LHFPL2: variants seen among roughly 807,000 people sequenced by gnomAD.
The protein encoded by LHFPL2 is LHFPL tetraspan subfamily member 2.
A neutral mutation model predicts 17.5 loss-of-function variants in LHFPL2; 7 were observed. The observed-to-expected ratio is 0.40, with a 90% CI of 0.23 to 0.75. The LOEUF is 0.75. Among genes scored for constraint, LHFPL2 ranks in the 30% least tolerant of loss-of-function variants. The probability of loss-of-function intolerance (pLI) is 0.37; values close to 1 mark genes in which losing one functional copy is unlikely to be tolerated. For synonymous variants in LHFPL2, 134 were observed against 116.2 expected, an observed-to-expected ratio of 1.15 and a Z score of -0.99; for missense variants, 241 against 294.8, an observed-to-expected ratio of 0.82 and a Z score of 1.34.
At chr5:78,534,920 C>A (rs1266932292) in intron 3 of LHFPL2, among the ~76,000 whole-genome samples, 1 of 152,222 alleles carries the variant, frequency 6.6e-6, no homozygotes, top group Non-Finnish European at 1.5e-5. Flanking sequence ...TCAACTTCAG[C>A]TTTGCAGATC....
chr5:78,597,454 G>A (rs1024337103), intron 2 of LHFPL2, among the ~76,000 whole-genome samples: 1 of 152,094 alleles, frequency 6.6e-6, no homozygotes, highest in African/African-American at 2.4e-5. Context: ...TGGGACAGAA[G>A]CAAGAAAAAA....
intron 2 of LHFPL2, among the ~76,000 whole-genome samples, chr5:78,615,981 C>A (rs1744585839): frequency 6.6e-6 from 1 of 152,042 alleles, no homozygotes; most frequent in Non-Finnish European, 1.5e-5. Flanking sequence ...GGAATGCTTA[C>A]CTAACAGTTG....
chr5:78,571,859 T>C (rs1377064254), intron 2 of LHFPL2, among the ~76,000 whole-genome samples: 1 of 152,168 alleles, frequency 6.6e-6, no homozygotes, highest in Non-Finnish European at 1.5e-5. Flanking sequence ...GATCTGAATT[T>C]TTAAGTTAGT....
chr5:78,511,014 AAC>A (rs1221923574), intron 3 of LHFPL2, among the ~76,000 whole-genome samples: 1 of 152,196 alleles, frequency 6.6e-6, no homozygotes. Context: ...TAAAAGAATA[AAC>A]AAAACATTGC....
chr5:78,627,800 C>T (rs1408760093), intron 2 of LHFPL2, among the ~76,000 whole-genome samples: 1 of 152,242 alleles, frequency 6.6e-6, no homozygotes, highest in Non-Finnish European at 1.5e-5. Context: ...TGCTTTGACA[C>T]TCCGAATAAT....
At chr5:78,642,565 T>C (rs1018331344) in intron 1 of LHFPL2, among the ~76,000 whole-genome samples, 11 of 152,240 alleles carry the variant, frequency 7.2e-5, no homozygotes, top group African/African-American at 2.6e-4. Context: ...CAAATTACTC[T>C]TGCACCTAGC....
intron 3 of LHFPL2, among the ~76,000 whole-genome samples, chr5:78,515,058 A>G (rs1755250423): frequency 6.6e-6 from 1 of 152,190 alleles, no homozygotes; most frequent in Non-Finnish European, 1.5e-5. Flanking sequence ...AAATAAGAAC[A>G]TTTTCCTATA....
At chr5:78,525,278 C>T (rs1029778765) in intron 3 of LHFPL2, among the ~76,000 whole-genome samples, 2 of 152,166 alleles carry the variant, frequency 1.3e-5, no homozygotes, top group African/African-American at 4.8e-5. Context: ...CACTAATCTC[C>T]CTATGCCTCA....
rs61240757 is a variant in LHFPL2, at chr5:78,644,121, T to C, written c.-350+4378A>G. 3.4e-3 allele frequency: 1,568 copies of C among 460,660 alleles called. 17 individuals are homozygous for C. Among genetic ancestry groups the C allele is most frequent in the African/African-American group, 0.028 (1,363 of 49,210 alleles). The allele number at this position is 460,660 out of a possible 1,614,324, so 28.5% of individuals were successfully genotyped here. On this transcript the variant is annotated intron_variant, in intron 1 of 4. Coordinates refer to ENST00000380345, the MANE Select transcript of LHFPL2 (RefSeq NM_005779.3). Reference sequence around the variant, plus strand: ...GGTATCTAAAGATAACATTTGGTAGTGTGTTAACTATACAAAAAAGACAAT... The same window carrying C: ...GGTATCTAAAGATAACATTTGGTAGCGTGTTAACTATACAAAAAAGACAAT...
chr5:78,608,893 C>T (rs986577985), intron 2 of LHFPL2, among the ~76,000 whole-genome samples: 2 of 149,574 alleles, frequency 1.3e-5, no homozygotes, highest in African/African-American at 2.5e-5. Flanking sequence ...GACTGAGCCA[C>T]TGCACTCCAG....
chr5:78,629,851 T>C (rs1299283173), intron 2 of LHFPL2, among the ~76,000 whole-genome samples: 1 of 152,186 alleles, frequency 6.6e-6, no homozygotes, highest in East Asian at 1.9e-4. Flanking sequence ...AGCAGCTGTA[T>C]TAAAAATACA....
At chr5:78,544,057 G>A (rs1756194113) in intron 3 of LHFPL2, among the ~76,000 whole-genome samples, 2 of 152,218 alleles carry the variant, frequency 1.3e-5, no homozygotes, top group African/African-American at 4.8e-5. Context: ...AGGGAGTGCT[G>A]AGGACAATCA....
intron 1 of LHFPL2, among the ~76,000 whole-genome samples, chr5:78,640,529 G>A (rs1745628334): frequency 6.6e-6 from 1 of 152,180 alleles, no homozygotes; most frequent in Non-Finnish European, 1.5e-5. Flanking sequence ...TGGATATCAA[G>A]CAATGTATGA....
intron 3 of LHFPL2, among the ~76,000 whole-genome samples, chr5:78,525,308 G>T (rs1755588952): frequency 6.6e-6 from 1 of 152,222 alleles, no homozygotes; most frequent in South Asian, 2.1e-4. Flanking sequence ...GCTATAAAAT[G>T]AGGATATCTT....
intron 3 of LHFPL2, among the ~76,000 whole-genome samples, chr5:78,561,355 C>T (rs1471034264): frequency 4.6e-5 from 7 of 152,200 alleles, no homozygotes; most frequent in Non-Finnish European, 7.3e-5. Flanking sequence ...GAGATGCTAA[C>T]GGGGAGACTA....
intron 1 of LHFPL2, among the ~76,000 whole-genome samples, chr5:78,642,776 C>A (rs141004494): frequency 6.6e-6 from 1 of 152,230 alleles, no homozygotes; most frequent in East Asian, 1.9e-4. Context: ...TTACTCCTTG[C>A]CATCTCTCTC....
At chr5:78,609,856 A>C (rs1744356535) in intron 2 of LHFPL2, among the ~76,000 whole-genome samples, 1 of 152,164 alleles carries the variant, frequency 6.6e-6, no homozygotes, top group African/African-American at 2.4e-5. Context: ...AAAAAAAAAA[A>C]AAATTCTTTT....
At chr5:78,570,898 A>G (rs1756983354) in intron 2 of LHFPL2, among the ~76,000 whole-genome samples, 1 of 151,036 alleles carries the variant, frequency 6.6e-6, no homozygotes, top group African/African-American at 2.5e-5. Context: ...TGTGCCTGAC[A>G]GTTCTTAGTG....
At chr5:78,537,217 C>G (rs1001969432) in intron 3 of LHFPL2, among the ~76,000 whole-genome samples, 3 of 152,192 alleles carry the variant, frequency 2.0e-5, no homozygotes, top group African/African-American at 7.2e-5. Context: ...GCCACTGAAG[C>G]TTTCTCCGAG....
Sources: gnomAD v4.1 joint callset for allele counts (sites outside exome capture counted in the v4.1 genomes callset) on GRCh38, gnomAD v4.1.1 for gene constraint, MANE v1.5 for transcripts, NCBI Gene and HGNC (gene_info 2026-07-23, HGNC 2026-07-21) for gene names.